Variants in SUSD5 observed in about 807,000 individuals in gnomAD.
The protein encoded by SUSD5 is sushi domain-containing protein 5.
In SUSD5, 33 loss-of-function variants were observed where a neutral mutation model predicts 29.5. That is an observed-to-expected ratio of 1.12 (90% CI 0.85 to 1.49). SUSD5 has a LOEUF of 1.49. Among genes scored for constraint, SUSD5 ranks in the 40% most tolerant of loss-of-function variants. The probability of loss-of-function intolerance (pLI) is 0.00; values close to 1 mark genes in which losing one functional copy is unlikely to be tolerated. For missense variants in SUSD5, 776 were observed against 800.6 expected, an observed-to-expected ratio of 0.97 and a Z score of 0.37; for synonymous variants, 308 against 325.3, an observed-to-expected ratio of 0.95 and a Z score of 0.57.
At chr3:33,192,618 A>C (rs2031915595) in intron 3 of SUSD5, among the ~76,000 whole-genome samples, 1 of 151,224 alleles carries the variant, frequency 6.6e-6, no homozygotes, top group Non-Finnish European at 1.5e-5. Flanking sequence ...GACCAGCCTG[A>C]CCAACATGGC....
In SUSD5 at chr3:33,175,152, A is replaced by G. The variant is rs1440375950; in HGVS notation, c.410-78T>C. 2.0e-6 allele frequency: 3 copies of G among 1,479,426 alleles called. No individual in the cohort carries two copies. The African/African-American group carries it at 4.2e-5, about 20-fold the overall frequency. The allele number at this position is 1,479,426 out of a possible 1,614,324, so 91.6% of individuals were successfully genotyped here. ...GCCTATGAGAAAACAGACTTAAAAC[A>G]CAACTCTCCCCTGCCGCCCACCGTA... On this transcript the variant is annotated intron_variant, in intron 3 of 4. Transcript: ENST00000309558.
chr3:33,154,092 C>T (rs948669763), intron 4 of SUSD5, 59 bp from the exon 5 acceptor site: 9 of 1,376,646 alleles, frequency 6.5e-6, no homozygotes, highest in African/African-American at 1.5e-5. Flanking sequence ...CAGTATAGAA[C>T]ATAAGAAAAG....
rs2031338745 is a variant in SUSD5, at chr3:33,167,919, T to C, written c.598+6967A>G. 6.6e-6 allele frequency among the ~76,000 whole-genome samples: 1 copy of C among 152,242 alleles called. No homozygotes were observed. The highest frequency in any genetic ancestry group is 1.5e-5 in the Non-Finnish European group (1 of 68,042). The stretch of plus-strand genomic sequence containing the variant: ...ACCCGACCCTCTCTGTGAAAACCTG[T>C]GCTAACACAACATGGGGCCTTCTGA... On this transcript the variant is annotated intron_variant, in intron 4 of 4. Coordinates refer to ENST00000309558, the MANE Select transcript of SUSD5 (RefSeq NM_015551.2). This position sits in a 1 kb window ranked among gnomAD's most constrained non-coding sequence, Gnocchi z 4.1.
intron 4 of SUSD5, among the ~76,000 whole-genome samples, chr3:33,162,641 T>C (rs140714154): frequency 9.1e-4 from 138 of 152,264 alleles, no homozygotes; most frequent in Middle Eastern, 6.8e-3. Context: ...ATAGCAGGAC[T>C]TCATGATAAA....
intron 1 of SUSD5, among the ~76,000 whole-genome samples, chr3:33,218,183 T>G (rs4583590): frequency 2.0e-5 from 3 of 151,954 alleles, no homozygotes; most frequent in African/African-American, 7.3e-5. Flanking sequence ...TGCACGTGCT[T>G]TTCCCTCTGG....
rs1289781914 is a variant in SUSD5, at chr3:33,207,893, C to T, written c.324G>A (p.Gln108=). The T allele has an allele frequency of 6.2e-6, 10 of 1,613,788 alleles. No homozygotes were observed. The African/African-American group carries it at 1.3e-4, about 22-fold the overall frequency. ...TCACATCGACAGCTCTCATGATTTG[C>T]TGTTCTCCACTTCCTTTGCTACACA... ...TTVCSKGSGE[Q]QIMRAVDVRI... The change falls in exon 3 of 5, where the codon CAG becomes CAA. Residue 108 remains glutamine, a synonymous_variant. Transcript: ENST00000309558.
At position 33,176,353 on chromosome 3, in the gene SUSD5, G is replaced by A. The variant is rs551367257; in HGVS notation, c.410-1279C>T. 3.3e-4 allele frequency among the ~76,000 whole-genome samples: 51 copies of A among 152,280 alleles called. No individual in the cohort carries two copies. The South Asian group carries it at 4.4e-3, about 13-fold the overall frequency. ...GAACATTAGTTTCTGGTTCACTTGG[G>A]TAAATACCAAAGAGCGTGACTGCTG... On this transcript the variant is annotated intron_variant, in intron 3 of 4. Coordinates refer to ENST00000309558, the MANE Select transcript of SUSD5 (RefSeq NM_015551.2).
intron 4 of SUSD5, among the ~76,000 whole-genome samples, chr3:33,163,397 A>G (rs2031234299): frequency 6.6e-6 from 1 of 152,052 alleles, no homozygotes; most frequent in African/African-American, 2.4e-5. Flanking sequence ...ATAATACATT[A>G]TACCTAGTTA....
chr3:33,204,387 C>A lies in SUSD5; in HGVS notation c.409+3421G>T, dbSNP rs1449109372. ...CCAGGGTGGAGTGCAGTGGTGCGAT[C>A]TCGGCTCACTGCAAGCTCCGCCTCC... On this transcript the variant is annotated intron_variant, in intron 3 of 4. Transcript: ENST00000309558. The surrounding 1 kb of genome is among the most constrained non-coding windows in gnomAD (Gnocchi z 4.5). Among the ~76,000 whole-genome samples, 2 of 151,912 alleles carry A rather than the reference C, an allele frequency of 1.3e-5. No individual in the cohort carries two copies. Among genetic ancestry groups the A allele is most frequent in the Non-Finnish European group, 2.9e-5 (2 of 67,984 alleles).
intron 3 of SUSD5, among the ~76,000 whole-genome samples, chr3:33,203,214 G>A (rs1442928035): frequency 1.3e-5 from 2 of 152,216 alleles, no homozygotes; most frequent in African/African-American, 4.8e-5. Context: ...GAAGGGCGGA[G>A]GGCCTTGCAG....
rs73828120 is a variant in SUSD5 at position 33,207,795 on chromosome 3, C to T, written c.409+13G>A. ...ACACCCTCCAGCACCTTTAAGAAGA[C>T]TCTGGCACTGACCTTCATCCTTAAT... On this transcript the variant is annotated intron_variant, in intron 3 of 4. Coordinates refer to ENST00000309558, the MANE Select transcript of SUSD5 (RefSeq NM_015551.2). The T allele has an allele frequency of 3.2e-3, 5,017 of 1,583,950 alleles. 137 individuals are homozygous for T. In the African/African-American group the frequency reaches 0.058, roughly 18 times the overall value.
At chr3:33,178,740 G>A (rs1186445077) in intron 3 of SUSD5, among the ~76,000 whole-genome samples, 1 of 152,136 alleles carries the variant, frequency 6.6e-6, no homozygotes, top group Non-Finnish European at 1.5e-5. Context: ...GCCTGGCCCG[G>A]TCTGTAGTCT....
intron 4 of SUSD5, among the ~76,000 whole-genome samples, chr3:33,156,334 C>T (rs926851682): frequency 2.0e-5 from 3 of 152,122 alleles, no homozygotes; most frequent in South Asian, 4.1e-4. Context: ...TCACCGCGCC[C>T]GGCCCCCAAA....
chr3:33,186,226 C>T lies in SUSD5; in HGVS notation c.410-11152G>A, dbSNP rs1045719747. On this transcript the variant is annotated intron_variant, in intron 3 of 4. Transcript: ENST00000309558. Reference sequence around the variant, plus strand: ...CTGAGGCAGGAGAATGGCGTGAACCCGGGAGGTGGAGCTTGCAGTGAGCCG... The same window carrying T: ...CTGAGGCAGGAGAATGGCGTGAACCTGGGAGGTGGAGCTTGCAGTGAGCCG... Among the ~76,000 whole-genome samples, 20 of 150,990 alleles carry T rather than the reference C, an allele frequency of 1.3e-4. 3 individuals carry two copies. Among genetic ancestry groups the T allele is most frequent in the Non-Finnish European group, 1.0e-4 (7 of 67,770 alleles).
intron 3 of SUSD5, among the ~76,000 whole-genome samples, chr3:33,178,452 G>GT (rs1482662774): frequency 3.8e-4 from 42 of 110,494 alleles, no homozygotes; most frequent in Non-Finnish European, 6.0e-4. Flanking sequence ...TTTTGTTGTT[G>GT]TTTTGTTTTT....
Position 33,153,526 on chromosome 3 carries a change from G to A in SUSD5, c.1106C>T (p.Ser369Phe), listed in dbSNP as rs1173890759. The A allele has an allele frequency of 6.2e-7, 1 of 1,613,938 alleles. No individual in the cohort carries two copies. The change falls in exon 5 of 5, where the codon TCC becomes TTC. Residue 369 changes from serine (S) to phenylalanine (F), a missense_variant. Coordinates refer to ENST00000309558, the MANE Select transcript of SUSD5 (RefSeq NM_015551.2). ...TGTCACAGGGTAGCCATCTAACCAG[G>A]ACTCATCACTGCTGCTCACCACTGG... is the stretch of plus-strand genomic sequence containing the variant. ...GDPVVSSSDE[S>F]WLDGYPVTEG...
chr3:33,193,728 T>C (rs2031942719), intron 3 of SUSD5, among the ~76,000 whole-genome samples: 1 of 152,210 alleles, frequency 6.6e-6, no homozygotes, highest in South Asian at 2.1e-4. Flanking sequence ...AGGAAAATTA[T>C]GACAGTGAAA....
intron 4 of SUSD5, among the ~76,000 whole-genome samples, chr3:33,159,247 C>G (rs2031122932): frequency 6.6e-6 from 1 of 152,200 alleles, no homozygotes; most frequent in Non-Finnish European, 1.5e-5. Flanking sequence ...CTTGTCACCT[C>G]TGCAGATACC....
chr3:33,159,838 A>G (rs751990898), intron 4 of SUSD5, among the ~76,000 whole-genome samples: 4 of 152,216 alleles, frequency 2.6e-5, no homozygotes, highest in Non-Finnish European at 5.9e-5. Flanking sequence ...AGGGAATAAT[A>G]TATTGCAATG....
Sources: allele counts gnomAD v4.1 joint callset (sites outside exome capture counted in the v4.1 genomes callset), GRCh38; gene constraint gnomAD v4.1.1; non-coding constraint Gnocchi (gnomAD v3.1); transcripts MANE v1.5; gene names NCBI Gene and HGNC (gene_info 2026-07-23, HGNC 2026-07-21).